The following TJP2 variants were observed in gnomAD, a reference collection of about 807,000 sequenced individuals.
The protein encoded by TJP2 is tight junction protein 2, also known as Friedreich ataxia region gene X104 (tight junction protein ZO-2).
In TJP2, 91 loss-of-function variants were observed where a neutral mutation model predicts 133.1. The observed-to-expected ratio is 0.68, with a 90% CI of 0.58 to 0.81. The LOEUF is 0.81. TJP2 is among the 40% of genes least tolerant of loss of function. The pLI is 0.00. For missense variants in TJP2, 1,541 were observed against 1,565.6 expected (o/e 0.98, Z 0.26); for synonymous variants, 592 against 583.4 (o/e 1.01, Z -0.21).
intron 15 of TJP2, among the ~76,000 whole-genome samples, chr9:69,238,268 C>T (rs1347395267): frequency 1.3e-5 from 2 of 152,180 alleles, no homozygotes; most frequent in Non-Finnish European, 2.9e-5. Context: ...ATACCATTAT[C>T]ACAGCCAAGA....
intron 1 of TJP2, among the ~76,000 whole-genome samples, chr9:69,134,968 A>G (rs1822662864): frequency 1.5e-5 from 2 of 137,500 alleles, no homozygotes; most frequent in South Asian, 4.9e-4. Context: ...GAGAGAGAAG[A>G]GAGAAGAGGA....
Position 69,226,141 on chromosome 9 carries a change from C to T in TJP2, c.1176C>T (p.Ile392=), listed in dbSNP as rs1829330500. The part of the protein sequence containing the change: ...LRDSQQTLIN[I]PSLNDSDSEI... ...ACAGCCAGCAGACCCTCATCAACAT[C>T]CCGTCATTAAATGACAGTGACTCAG... The change falls in exon 7 of 23, where the codon ATC becomes ATT. Residue 392 remains isoleucine, a synonymous_variant. Transcript: ENST00000377245. 3.1e-6 allele frequency: 5 copies of T among 1,614,100 alleles called. No homozygotes were observed. The highest frequency in any genetic ancestry group is 4.2e-6 in the Non-Finnish European group (5 of 1,180,018).
intron 1 of TJP2, among the ~76,000 whole-genome samples, chr9:69,141,847 C>G (rs758508199): frequency 4.6e-5 from 7 of 152,190 alleles, no homozygotes; most frequent in Non-Finnish European, 8.8e-5. Flanking sequence ...CCTCGGCCTG[C>G]CACAGTGCTG....
chr9:69,234,461 G>T lies in TJP2; in HGVS notation c.1694G>T (p.Gly565Val). Reference protein sequence around the residue: ...ILKVNTQDFRGLVREDAVLYL... With the variant: ...ILKVNTQDFRVLVREDAVLYL... ...TAGGTGAACACACAGGATTTCAGAG[G>T]ATTAGTGCGGGAGGATGCCGTTCTC... is the stretch of plus-strand genomic sequence containing the variant. The change falls in exon 12 of 23, where the codon GGA becomes GTA. Residue 565 changes from glycine (G) to valine (V), a missense_variant. By Grantham distance (109) the Gly-to-Val change is moderately radical (BLOSUM62 -3). Coordinates refer to ENST00000377245, the MANE Select transcript of TJP2 (RefSeq NM_004817.4). 6.2e-7 allele frequency: 1 copy of T among 1,603,580 alleles called. No individual in the cohort carries two copies. Among genetic ancestry groups the T allele is most frequent in the Admixed American group, 1.7e-5 (1 of 58,800 alleles).
intron 1 of TJP2, among the ~76,000 whole-genome samples, chr9:69,206,586 A>G (rs1827429856): frequency 7.6e-6 from 1 of 131,118 alleles, no homozygotes; most frequent in Non-Finnish European, 1.7e-5. Flanking sequence ...TAATTTTTTT[A>G]TTTCTTTTTG....
intron 2 of TJP2, among the ~76,000 whole-genome samples, chr9:69,166,636 G>A (rs535693939): frequency 6.6e-6 from 1 of 151,808 alleles, no homozygotes. Flanking sequence ...CACCATTCCT[G>A]GCTAAGTTTT....
chr9:69,152,920 C>A (rs1004581649), intron 2 of TJP2, among the ~76,000 whole-genome samples: 1 of 147,162 alleles, frequency 6.8e-6, no homozygotes, highest in Non-Finnish European at 1.5e-5. Context: ...AAGCTCCGCC[C>A]TCTGGAGCTC....
At chr9:69,141,726 G>A (rs934603858) in intron 1 of TJP2, among the ~76,000 whole-genome samples, 2 of 152,138 alleles carry the variant, frequency 1.3e-5, no homozygotes, top group African/African-American at 4.8e-5. Flanking sequence ...GAGTAGCTGG[G>A]ATTACAGGTG....
rs959211979 is a variant in TJP2, at chr9:69,243,020, T to C, written c.2566+2873T>C. 2.0e-5 allele frequency among the ~76,000 whole-genome samples: 3 copies of C among 152,092 alleles called. No homozygotes were observed. In the East Asian group the frequency reaches 5.8e-4, roughly 29 times the overall value. On this transcript the variant is annotated intron_variant, in intron 17 of 22. Coordinates refer to ENST00000377245, the MANE Select transcript of TJP2 (RefSeq NM_004817.4). Reference sequence around the variant, plus strand: ...CTGGGACTACAGGCACACACCACCATGCCTGGGTAATTTTTGTATTTTTTC... The same window carrying C: ...CTGGGACTACAGGCACACACCACCACGCCTGGGTAATTTTTGTATTTTTTC...
upstream of TJP2, among the ~76,000 whole-genome samples, chr9:69,173,473 T>G (rs146090852): frequency 8.2e-3 from 1,249 of 152,324 alleles, 12 homozygotes; most frequent in Non-Finnish European, 0.011. Context: ...TGGCAACCTT[T>G]TATAAGCTGA....
intron 1 of TJP2, among the ~76,000 whole-genome samples, chr9:69,148,505 G>T (rs1257042194): frequency 2.1e-5 from 3 of 143,712 alleles, no homozygotes; most frequent in Non-Finnish European, 4.5e-5. Flanking sequence ...CTCCCAAGTA[G>T]CTGGGACTAC....
At chr9:69,200,469 C>T (rs557604163) in intron 1 of TJP2, among the ~76,000 whole-genome samples, 1 of 152,288 alleles carries the variant, frequency 6.6e-6, no homozygotes, top group Middle Eastern at 3.4e-3. Context: ...CTCACTGTAG[C>T]CTCCAACTCC....
At chr9:69,182,303 C>G (rs934601354) in intron 1 of TJP2, among the ~76,000 whole-genome samples, 1 of 152,130 alleles carries the variant, frequency 6.6e-6, no homozygotes, top group African/African-American at 2.4e-5. Context: ...CTTAGACACT[C>G]ACTGAAATTT....
At chr9:69,150,837 G>A (rs959900112) in intron 1 of TJP2, among the ~76,000 whole-genome samples, 4 of 152,106 alleles carry the variant, frequency 2.6e-5, no homozygotes, top group African/African-American at 9.7e-5. Flanking sequence ...TGTTCATAAT[G>A]ACCAAAGAGT....
In TJP2 at chr9:69,189,923, C is replaced by T. The variant is rs1194877814; in HGVS notation, c.60+15491C>T. On this transcript the variant is annotated intron_variant, in intron 1 of 22. Coordinates refer to ENST00000377245, the MANE Select transcript of TJP2 (RefSeq NM_004817.4). Reference sequence around the variant, plus strand: ...GAGATCGAGATCATCCTGGCTAACACGGTGAAACCCCGTCTGTACTAAAAA... The same window carrying T: ...GAGATCGAGATCATCCTGGCTAACATGGTGAAACCCCGTCTGTACTAAAAA... Among the ~76,000 whole-genome samples, 32 of 110,842 alleles carry T rather than the reference C, an allele frequency of 2.9e-4. 7 individuals are homozygous for T. The highest frequency in any genetic ancestry group is 1.1e-3 in the African/African-American group (32 of 29,634). 72.7% of individuals were successfully genotyped at this position (110,842 alleles called of 152,430 possible). A position where few individuals can be genotyped will look rare whatever the true frequency, so the allele number is the denominator to read the frequency against.
At chr9:69,182,406 A>G (rs562255689) in intron 1 of TJP2, among the ~76,000 whole-genome samples, 20 of 152,354 alleles carry the variant, frequency 1.3e-4, no homozygotes, top group African/African-American at 4.6e-4. Context: ...ATTGAAATGA[A>G]GAAGCCCCAA....
intron 7 of TJP2, 74 bp downstream of exon 7, chr9:69,226,249 T>A (rs1829341570): frequency 1.3e-6 from 2 of 1,536,160 alleles, no homozygotes; most frequent in Admixed American, 3.6e-5. Context: ...CTATTTAGTG[T>A]AGCTATCCAG....
Position 69,174,445 on chromosome 9 carries a change from T to G in TJP2, c.60+13T>G. 2 of 1,550,164 alleles carry G rather than the reference T, an allele frequency of 1.3e-6. No homozygotes were observed. On this transcript the variant is annotated intron_variant, in intron 1 of 22. Coordinates refer to ENST00000377245, the MANE Select transcript of TJP2 (RefSeq NM_004817.4). ...AGGTTGGCTCCGCGTAAGTGCCTCC[T>G]TGTGCCGCGCGGTTGGGAGGAGGGT...
upstream of TJP2, chr9:69,174,081 A>T: frequency 2.7e-6 from 3 of 1,109,752 alleles, no homozygotes; most frequent in South Asian, 4.2e-5. Context: ...GGAGCCTCGA[A>T]GGCGCGGCGC....
Sources: allele counts gnomAD v4.1 joint callset (sites outside exome capture counted in the v4.1 genomes callset), GRCh38; gene constraint gnomAD v4.1.1; transcripts MANE v1.5; gene names NCBI Gene and HGNC (gene_info 2026-07-23, HGNC 2026-07-21).